KIF26B: variants seen among roughly 807,000 people sequenced by gnomAD.
KIF26B encodes the protein kinesin family member 26B.
A neutral mutation model predicts 151.2 loss-of-function variants in KIF26B; 63 were observed. The observed-to-expected ratio is 0.42, with a 90% CI of 0.34 to 0.51. The LOEUF (loss-of-function observed/expected upper bound fraction) is 0.51, where lower values mean the gene tolerates loss of function less well. Among genes scored for constraint, KIF26B ranks in the 20% least tolerant of loss-of-function variants. KIF26B has a pLI of 0.07. For synonymous variants in KIF26B, 1,357 were observed against 1,262.1 expected, an observed-to-expected ratio of 1.08 and a Z score of -1.59; for missense variants, 2,813 against 2,913.6, an observed-to-expected ratio of 0.97 and a Z score of 0.79.
In KIF26B at chr1:245,703,607, T is replaced by C. The variant is rs1011504409; in HGVS notation, c.*1001T>C. On this transcript the variant is annotated 3_prime_UTR_variant, in exon 15 of 15. Transcript: ENST00000407071. ...CCTCAAAATTCATATTCATTTTTAT[T>C]CCAAAAAGTCTTGAACGAAAGCTGG... is the stretch of plus-strand genomic sequence containing the variant. The C allele has an allele frequency of 6.6e-6, 1 of 152,228 alleles. No homozygotes were observed. The highest frequency in any genetic ancestry group is 2.4e-5 in the African/African-American group (1 of 41,462). The allele number at this position is 152,228 out of a possible 1,614,324, so 9.4% of individuals were successfully genotyped here.
At chr1:245,660,473 G>C (rs1332162715) in intron 10 of KIF26B, among the ~76,000 whole-genome samples, 2 of 150,908 alleles carry the variant, frequency 1.3e-5, no homozygotes, top group Non-Finnish European at 3.0e-5. Context: ...GAGTAGCTGG[G>C]ACTACAGGTG....
intron 2 of KIF26B, among the ~76,000 whole-genome samples, chr1:245,235,227 A>T (rs1351380497): frequency 6.6e-6 from 1 of 152,186 alleles, no homozygotes; most frequent in Non-Finnish European, 1.5e-5. Context: ...TAGTTAATTA[A>T]AGGTAGGTGT....
chr1:245,665,457 T>C (rs777971225), intron 10 of KIF26B, among the ~76,000 whole-genome samples: 3 of 152,200 alleles, frequency 2.0e-5, no homozygotes, highest in Non-Finnish European at 2.9e-5. Context: ...CAAATCCAAC[T>C]TGACAGGCAG....
At chr1:245,279,212 G>A (rs1670992394) in intron 2 of KIF26B, among the ~76,000 whole-genome samples, 1 of 152,040 alleles carries the variant, frequency 6.6e-6, no homozygotes, top group Non-Finnish European at 1.5e-5. Flanking sequence ...GTCAAGGGAA[G>A]GGGTCTTCTT....
chr1:245,614,441 G>A (rs1056845875), intron 9 of KIF26B, among the ~76,000 whole-genome samples: 3 of 152,214 alleles, frequency 2.0e-5, no homozygotes, highest in African/African-American at 7.2e-5. Flanking sequence ...CCAAAGTGTT[G>A]GGATTACAGG....
intron 10 of KIF26B, among the ~76,000 whole-genome samples, chr1:245,677,154 C>T (rs373206527): frequency 2.6e-5 from 4 of 152,340 alleles, no homozygotes; most frequent in East Asian, 3.9e-4. Flanking sequence ...GACATGACCT[C>T]ATAATAGGAG....
intron 2 of KIF26B, among the ~76,000 whole-genome samples, chr1:245,255,832 A>G (rs898923892): frequency 2.6e-5 from 4 of 152,182 alleles, no homozygotes; most frequent in African/African-American, 4.8e-5. Flanking sequence ...CCACTAATGT[A>G]TTCTTATTTT....
intron 2 of KIF26B, among the ~76,000 whole-genome samples, chr1:245,270,036 C>T (rs1044362119): frequency 6.6e-6 from 1 of 152,198 alleles, no homozygotes; most frequent in Non-Finnish European, 1.5e-5. Flanking sequence ...TTTTGCATAG[C>T]AGCAGCATTA....
chr1:245,321,055 G>A (rs1395415195), intron 2 of KIF26B, among the ~76,000 whole-genome samples: 2 of 152,180 alleles, frequency 1.3e-5, no homozygotes, highest in Non-Finnish European at 2.9e-5. Flanking sequence ...TGTCACAAAA[G>A]TGTTCTGGTT....
At chr1:245,475,673 G>A (rs889591690) in intron 4 of KIF26B, among the ~76,000 whole-genome samples, 1 of 151,860 alleles carries the variant, frequency 6.6e-6, no homozygotes, top group African/African-American at 2.4e-5. Flanking sequence ...TTAGGAAAAT[G>A]CAAATAAAAA....
rs767467236 is a variant in KIF26B at position 245,688,191 on chromosome 1, C to T, written c.5208C>T (p.Ser1736=). Residue 1736 remains serine, a synonymous_variant, in exon 12 of 15, where the codon AGC becomes AGT. Coordinates refer to ENST00000407071, the MANE Select transcript of KIF26B (RefSeq NM_018012.4). Reference sequence around the variant, plus strand: ...GCCAGTCCAAGATCTCCGCCGTGAGCAGACTCCTCCTGGCCAGCCCCAGAG... The same window carrying T: ...GCCAGTCCAAGATCTCCGCCGTGAGTAGACTCCTCCTGGCCAGCCCCAGAG... ...KAGQSKISAV[S]RLLLASPRAR... is the part of the protein sequence containing the mutation. 4.5e-5 allele frequency: 72 copies of T among 1,596,926 alleles called. No homozygotes were observed. The highest frequency in any genetic ancestry group is 1.7e-4 in the Admixed American group (10 of 59,790).
At chr1:245,274,552 C>T (rs994350215) in intron 2 of KIF26B, among the ~76,000 whole-genome samples, 1 of 151,040 alleles carries the variant, frequency 6.6e-6, no homozygotes, top group African/African-American at 2.4e-5. Context: ...AAGGACATGA[C>T]ATGAATGCAC....
intron 2 of KIF26B, among the ~76,000 whole-genome samples, chr1:245,282,408 C>A (rs1671073705): frequency 6.6e-6 from 1 of 152,184 alleles, no homozygotes; most frequent in Non-Finnish European, 1.5e-5. Flanking sequence ...AGCCAGGTGG[C>A]AACCTTTGAT....
chr1:245,322,268 G>A (rs1671901962), intron 2 of KIF26B, among the ~76,000 whole-genome samples: 1 of 152,116 alleles, frequency 6.6e-6, no homozygotes, highest in Non-Finnish European at 1.5e-5. Context: ...AATACCTAAT[G>A]CATGCGGGGC....
At chr1:245,647,285 C>T (rs1008618603) in intron 10 of KIF26B, among the ~76,000 whole-genome samples, 4 of 151,432 alleles carry the variant, frequency 2.6e-5, no homozygotes, top group Non-Finnish European at 4.4e-5. Flanking sequence ...ATTAGCTGGG[C>T]GTGGTGGTGG....
At chr1:245,234,671 C>CTTT (rs1243736822) in intron 2 of KIF26B, among the ~76,000 whole-genome samples, 1 of 152,184 alleles carries the variant, frequency 6.6e-6, no homozygotes, top group African/African-American at 2.4e-5. Context: ...GGTGGAAGTT[C>CTTT]TTCCCGGCGG....
intron 4 of KIF26B, among the ~76,000 whole-genome samples, chr1:245,536,754 A>G (rs1398195219): frequency 6.6e-6 from 1 of 152,166 alleles, no homozygotes; most frequent in African/African-American, 2.4e-5. Context: ...CTAAAGGCTC[A>G]TTCCTTCATA....
chr1:245,282,635 C>A (rs985244457), intron 2 of KIF26B, among the ~76,000 whole-genome samples: 1 of 152,152 alleles, frequency 6.6e-6, no homozygotes, highest in Non-Finnish European at 1.5e-5. Flanking sequence ...CAAACCAATC[C>A]CCTAAGCCCT....
chr1:245,619,651 C>T (rs1303469152), intron 9 of KIF26B, among the ~76,000 whole-genome samples: 9 of 146,708 alleles, frequency 6.1e-5, no homozygotes, highest in Non-Finnish European at 1.0e-4. Flanking sequence ...TGGTGGCTCA[C>T]ACTGTAATCC....
Sources: gnomAD v4.1 joint callset for allele counts (sites outside exome capture counted in the v4.1 genomes callset) on GRCh38, gnomAD v4.1.1 for gene constraint, MANE v1.5 for transcripts, NCBI Gene and HGNC (gene_info 2026-07-23, HGNC 2026-07-21) for gene names.